The following CPNE4 variants were observed in gnomAD, a reference collection of about 807,000 sequenced individuals.
The protein encoded by CPNE4 is copine-4.
In CPNE4, 25 loss-of-function variants were observed where a neutral mutation model predicts 67.9. The observed-to-expected ratio is 0.37, with a 90% CI of 0.27 to 0.51. The LOEUF is 0.51. Ranked by LOEUF, CPNE4 falls within the 20% of genes least tolerant of loss-of-function variation. CPNE4 has a pLI of 0.93. For missense variants in CPNE4, 464 were observed against 690.8 expected (o/e 0.67, Z 3.68); for synonymous variants, 242 against 244.9 (o/e 0.99, Z 0.11).
At chr3:131,559,809 T>C (rs1444419317) in intron 11 of CPNE4, among the ~76,000 whole-genome samples, 2 of 151,958 alleles carry the variant, frequency 1.3e-5, no homozygotes, top group East Asian at 3.9e-4. Context: ...TGGATGATGG[T>C]GGATATCAAA....
intron 6 of CPNE4, among the ~76,000 whole-genome samples, chr3:131,682,461 T>G (rs1323475964): frequency 6.6e-6 from 1 of 152,154 alleles, no homozygotes; most frequent in Non-Finnish European, 1.5e-5. Context: ...GTGGAAACCC[T>G]TCTCCTCTTC....
intron 11 of CPNE4, among the ~76,000 whole-genome samples, chr3:131,557,207 G>A (rs1200080053): frequency 6.6e-6 from 1 of 152,120 alleles, no homozygotes; most frequent in Non-Finnish European, 1.5e-5. Flanking sequence ...GCAAGGACGT[G>A]TCCTTCTCAT....
At chr3:131,869,201 CTT>C (rs1226743639) in intron 2 of CPNE4, among the ~76,000 whole-genome samples, 2 of 152,130 alleles carry the variant, frequency 1.3e-5, no homozygotes, top group Non-Finnish European at 2.9e-5. Context: ...CTGGACAAAT[CTT>C]ATCACTTCCA....
chr3:131,608,843 C>T (rs1339692932), intron 7 of CPNE4, among the ~76,000 whole-genome samples: 1 of 152,088 alleles, frequency 6.6e-6, no homozygotes, highest in Non-Finnish European at 1.5e-5. Context: ...CTTCTCTAGC[C>T]TCATTCCACA....
intron 10 of CPNE4, among the ~76,000 whole-genome samples, chr3:131,569,158 T>C (rs1322795755): frequency 1.3e-5 from 2 of 152,024 alleles, no homozygotes; most frequent in African/African-American, 4.8e-5. Flanking sequence ...TTTGCCTCTT[T>C]AACCCATTGT....
chr3:132,026,478 A>ATGGACTGGATAAC (rs2074118882), intron 1 of CPNE4, among the ~76,000 whole-genome samples: 1 of 151,936 alleles, frequency 6.6e-6, no homozygotes, highest in African/African-American at 2.4e-5. Context: ...GACTGGATAA[A>ATGGACTGGATAAC]TGTGCCCTGG....
chr3:131,666,173 A>G (rs1236090174), intron 7 of CPNE4, among the ~76,000 whole-genome samples: 3 of 152,208 alleles, frequency 2.0e-5, no homozygotes, highest in Non-Finnish European at 4.4e-5. Flanking sequence ...TAAAAGGTAG[A>G]AGAGACAGGA....
At chr3:131,629,967 T>C (rs777217457) in intron 7 of CPNE4, among the ~76,000 whole-genome samples, 12 of 152,006 alleles carry the variant, frequency 7.9e-5, no homozygotes, top group Non-Finnish European at 1.3e-4. Flanking sequence ...TCAAAATATC[T>C]TATTGTACTG....
chr3:131,637,791 A>C (rs2107789310), intron 7 of CPNE4, among the ~76,000 whole-genome samples: 1 of 152,330 alleles, frequency 6.6e-6, no homozygotes. Flanking sequence ...AGGCAAAAGC[A>C]TCAGGTAACC....
intron 2 of CPNE4, among the ~76,000 whole-genome samples, chr3:131,777,762 T>C (rs1008947356): frequency 9.2e-5 from 14 of 152,094 alleles, no homozygotes; most frequent in African/African-American, 2.4e-4. Flanking sequence ...GAGTGGACCT[T>C]ATGAATGTAG....
chr3:131,861,670 C>T (rs1290866514), intron 2 of CPNE4, among the ~76,000 whole-genome samples: 3 of 152,042 alleles, frequency 2.0e-5, no homozygotes, highest in Admixed American at 6.6e-5. Context: ...TGACCTCAGG[C>T]GATCCACCGG....
intron 7 of CPNE4, among the ~76,000 whole-genome samples, chr3:131,588,696 C>T (rs1938341099): frequency 6.6e-6 from 1 of 152,140 alleles, no homozygotes; most frequent in Admixed American, 6.6e-5. Flanking sequence ...TATTTTCTGT[C>T]ACAGTGAATT....
intron 2 of CPNE4, among the ~76,000 whole-genome samples, chr3:131,793,167 T>C (rs1173607428): frequency 4.6e-5 from 7 of 152,106 alleles, no homozygotes; most frequent in African/African-American, 1.7e-4. Flanking sequence ...ACATTTCTCA[T>C]AGCCTTCCAT....
At chr3:131,906,202 G>GT (rs3041554) in intron 1 of CPNE4, among the ~76,000 whole-genome samples, 31,233 of 143,186 alleles carry the variant, frequency 0.22, 3,800 homozygotes, top group Non-Finnish European at 0.27. Flanking sequence ...TTTATTTTTT[G>GT]TTTTTTTTTG....
At chr3:131,760,566 C>T (rs1353269259) in intron 2 of CPNE4, among the ~76,000 whole-genome samples, 1 of 152,138 alleles carries the variant, frequency 6.6e-6, no homozygotes, top group Non-Finnish European at 1.5e-5. Context: ...TAGCAGAAAG[C>T]CTAGACTTTT....
At chr3:131,852,662 C>T (rs2107647560) in intron 2 of CPNE4, among the ~76,000 whole-genome samples, 1 of 151,482 alleles carries the variant, frequency 6.6e-6, no homozygotes, top group South Asian at 2.1e-4. Context: ...ATGTTTCAGC[C>T]AGTGCAACAG....
intron 2 of CPNE4, among the ~76,000 whole-genome samples, chr3:131,756,437 G>A (rs972510127): frequency 3.3e-5 from 5 of 152,174 alleles, no homozygotes; most frequent in Non-Finnish European, 7.3e-5. Flanking sequence ...TACCATTATA[G>A]GGCAGAGCTT....
intron 2 of CPNE4, among the ~76,000 whole-genome samples, chr3:131,735,227 T>C (rs183327136): frequency 1.1e-3 from 164 of 152,302 alleles, no homozygotes; most frequent in Middle Eastern, 0.01. Context: ...GGAAATGAGT[T>C]AGCCCAGGAA....
intron 1 of CPNE4, among the ~76,000 whole-genome samples, chr3:131,919,012 G>T (rs1365609106): frequency 6.6e-6 from 1 of 152,158 alleles, no homozygotes; most frequent in East Asian, 1.9e-4. Flanking sequence ...GTGCAGTGTA[G>T]GAGGTGCTGT....
Sources: allele counts gnomAD v4.1 joint callset (sites outside exome capture counted in the v4.1 genomes callset), GRCh38; gene constraint gnomAD v4.1.1; transcripts MANE v1.5; gene names NCBI Gene and HGNC (gene_info 2026-07-23, HGNC 2026-07-21).